CAMTA1: variants seen among roughly 807,000 people sequenced by gnomAD.
The protein encoded by CAMTA1 is calmodulin-binding transcription activator 1.
In CAMTA1, 27 loss-of-function variants were observed where a neutral mutation model predicts 170.9. The observed-to-expected ratio is 0.16, with a 90% CI of 0.12 to 0.22. CAMTA1 has a LOEUF of 0.22. CAMTA1 is among the 10% of genes least tolerant of loss of function. The pLI is 1.00. For synonymous variants in CAMTA1, 833 were observed against 891.5 expected (o/e 0.93, Z 1.17); for missense variants, 1,619 against 2,217.2 (o/e 0.73, Z 5.42).
At chr1:6,864,058 C>T (rs1258599949) in intron 3 of CAMTA1, among the ~76,000 whole-genome samples, 7 of 152,134 alleles carry the variant, frequency 4.6e-5, no homozygotes, top group Admixed American at 1.3e-4. Context: ...CGGCAAAGTA[C>T]CATTCTCATC....
At chr1:7,344,072 A>C (rs1027240864) in intron 5 of CAMTA1, among the ~76,000 whole-genome samples, 1 of 152,160 alleles carries the variant, frequency 6.6e-6, no homozygotes, top group African/African-American at 2.4e-5. Context: ...TGTGAAACAA[A>C]CCATCCCACA....
intron 4 of CAMTA1, among the ~76,000 whole-genome samples, chr1:7,130,818 T>G (rs1257868051): frequency 6.6e-6 from 1 of 152,230 alleles, no homozygotes; most frequent in Non-Finnish European, 1.5e-5. Flanking sequence ...AAGTACATAT[T>G]CCAATCTTTT....
chr1:6,941,625 T>C (rs984542283), intron 3 of CAMTA1, among the ~76,000 whole-genome samples: 5 of 152,216 alleles, frequency 3.3e-5, no homozygotes, highest in African/African-American at 1.2e-4. Flanking sequence ...GGCCCTTCAG[T>C]GACAGCAGGG....
At chr1:7,310,729 T>TC (rs1676578102) in intron 5 of CAMTA1, among the ~76,000 whole-genome samples, 2 of 95,026 alleles carry the variant, frequency 2.1e-5, no homozygotes, top group Admixed American at 1.3e-4. Context: ...TTTCTTTCTT[T>TC]CTTTCTTTCT....
chr1:7,665,781 G>A lies in CAMTA1; in HGVS notation c.2652+582G>A, dbSNP rs549411751. Among the ~76,000 whole-genome samples, 27 of 152,122 alleles carry A rather than the reference G, an allele frequency of 1.8e-4. No individual in the cohort carries two copies. Among genetic ancestry groups the A allele is most frequent in the Non-Finnish European group, 2.9e-4 (20 of 67,990 alleles). On this transcript the variant is annotated intron_variant, in intron 9 of 22. Coordinates refer to ENST00000303635, the MANE Select transcript of CAMTA1 (RefSeq NM_015215.4). This position sits in a 1 kb window ranked among gnomAD's most constrained non-coding sequence, Gnocchi z 4.3. ...TGCTCCCCCAGCTCCAGCCAGAGTCGTCTGCCGTTTCTCAATTTATGTGTT... is the reference window on the plus strand; with the variant it reads ...TGCTCCCCCAGCTCCAGCCAGAGTCATCTGCCGTTTCTCAATTTATGTGTT...
intron 5 of CAMTA1, among the ~76,000 whole-genome samples, chr1:7,315,892 A>G (rs2149651452): frequency 6.6e-6 from 1 of 152,226 alleles, no homozygotes; most frequent in African/African-American, 2.4e-5. Flanking sequence ...TGCTGCTGTA[A>G]AGACACTACC....
intron 22 of CAMTA1, among the ~76,000 whole-genome samples, chr1:7,756,585 A>G (rs1181335250): frequency 6.6e-6 from 1 of 152,202 alleles, no homozygotes; most frequent in African/African-American, 2.4e-5. Flanking sequence ...ACGATGGCTC[A>G]TGCCTATAAT....
At chr1:7,614,486 C>T (rs1414993716) in intron 6 of CAMTA1, among the ~76,000 whole-genome samples, 22 of 152,142 alleles carry the variant, frequency 1.4e-4, no homozygotes, top group Admixed American at 1.4e-3. Flanking sequence ...ACAATCAAGT[C>T]ACCGTGCGAC....
In CAMTA1 at chr1:7,712,128, G is replaced by A. The variant is rs139986660; in HGVS notation, c.2915-20320G>A. ...TCGCATTTATATATTAAGTGATGCT[G>A]CTTAAATAAGGAAATATATAAAATA... On this transcript the variant is annotated intron_variant, in intron 11 of 22. Transcript: ENST00000303635. 8.8e-3 allele frequency among the ~76,000 whole-genome samples: 1,346 copies of A among 152,218 alleles called. 14 individuals carry two copies. The highest frequency in any genetic ancestry group is 0.029 in the African/African-American group (1,218 of 41,526).
In CAMTA1 at chr1:6,890,104, C is replaced by G. The variant is rs986703326; in HGVS notation, c.234+64894C>G. 2.6e-5 allele frequency among the ~76,000 whole-genome samples: 4 copies of G among 152,198 alleles called. No individual in the cohort carries two copies. In the South Asian group the frequency reaches 8.3e-4, roughly 31 times the overall value. The stretch of plus-strand genomic sequence containing the variant: ...ACAGAGGACGTCAGGCAGAGAGGGA[C>G]TCTGACCCAGGAGCCTTCCGGAGGC... On this transcript the variant is annotated intron_variant, in intron 3 of 22. Transcript: ENST00000303635.
chr1:7,203,397 A>G (rs533475219), intron 4 of CAMTA1, among the ~76,000 whole-genome samples: 39 of 152,240 alleles, frequency 2.6e-4, no homozygotes, highest in African/African-American at 7.5e-4. Context: ...ATTTTTTGAA[A>G]GAGTTTGTGA....
intron 5 of CAMTA1, among the ~76,000 whole-genome samples, chr1:7,381,417 T>A (rs2087313774): frequency 6.6e-6 from 1 of 151,716 alleles, no homozygotes; most frequent in African/African-American, 2.4e-5. Flanking sequence ...CGGTTTTTTG[T>A]TCTTGCAATA....
intron 3 of CAMTA1, among the ~76,000 whole-genome samples, chr1:6,949,356 G>A (rs1192015500): frequency 1.3e-5 from 2 of 152,230 alleles, no homozygotes; most frequent in African/African-American, 4.8e-5. Flanking sequence ...ATCCCGCTTT[G>A]AACGCCCTCG....
chr1:7,661,922 G>A, intron 8 of CAMTA1, 56 bp downstream of exon 8: 1 of 1,545,700 alleles, frequency 6.5e-7, no homozygotes, highest in Admixed American at 2.0e-5. Context: ...GGCCCTACCA[G>A]GCAGCCGTCA....
chr1:7,618,608 C>A (rs1200367008), intron 6 of CAMTA1, among the ~76,000 whole-genome samples: 1 of 152,158 alleles, frequency 6.6e-6, no homozygotes, highest in Non-Finnish European at 1.5e-5. Context: ...AATTTACTGT[C>A]TTTTTATGAC....
At chr1:7,071,109 C>G (rs550314861) in intron 3 of CAMTA1, among the ~76,000 whole-genome samples, 1 of 152,190 alleles carries the variant, frequency 6.6e-6, no homozygotes, top group Non-Finnish European at 1.5e-5. Context: ...TGGAGCGAGC[C>G]TCCCCCTCCT....
intron 5 of CAMTA1, among the ~76,000 whole-genome samples, chr1:7,400,544 G>T (rs1015068862): frequency 2.7e-5 from 4 of 149,430 alleles, no homozygotes; most frequent in Non-Finnish European, 1.5e-5. Context: ...TTTCTTTGTT[G>T]TTTTTTTTTC....
chr1:7,169,067 C>T (rs1164197786), intron 4 of CAMTA1, among the ~76,000 whole-genome samples: 6 of 152,058 alleles, frequency 3.9e-5, no homozygotes, highest in African/African-American at 1.4e-4. Flanking sequence ...ACTTTTTCTC[C>T]TATAATCTGT....
intron 3 of CAMTA1, among the ~76,000 whole-genome samples, chr1:6,841,978 G>A (rs963944301): frequency 1.3e-5 from 2 of 152,010 alleles, no homozygotes; most frequent in Non-Finnish European, 2.9e-5. Context: ...TAGAACCTCT[G>A]CCCTTTCTTC....
Sources: allele counts gnomAD v4.1 joint callset (sites outside exome capture counted in the v4.1 genomes callset), GRCh38; gene constraint gnomAD v4.1.1; non-coding constraint Gnocchi (gnomAD v3.1); transcripts MANE v1.5; gene names NCBI Gene and HGNC (gene_info 2026-07-23, HGNC 2026-07-21).